Variants in GPC5 observed in about 807,000 individuals in gnomAD.
GPC5 encodes the protein glypican-5.
In GPC5, 47 loss-of-function variants were observed where a neutral mutation model predicts 53.9. The ratio of observed to expected loss-of-function variants is 0.87; its 90% confidence interval spans 0.69 to 1.11. The LOEUF (loss-of-function observed/expected upper bound fraction) is 1.11. Ranked by LOEUF, GPC5 falls within the 50% of genes most tolerant of loss-of-function variation. The pLI is 0.00. For missense variants in GPC5, 748 were observed against 713.1 expected, an observed-to-expected ratio of 1.05 and a Z score of -0.56; for synonymous variants, 286 against 263.3, an observed-to-expected ratio of 1.09 and a Z score of -0.84.
chr13:91,581,093 A>G (rs912484429), intron 2 of GPC5, among the ~76,000 whole-genome samples: 1 of 152,192 alleles, frequency 6.6e-6, no homozygotes, highest in Non-Finnish European at 1.5e-5. Context: ...AACTGCCTCC[A>G]TGATTCAATT....
At chr13:92,133,760 A>G (rs1285490236) in intron 6 of GPC5, among the ~76,000 whole-genome samples, 2 of 152,186 alleles carry the variant, frequency 1.3e-5, no homozygotes, top group East Asian at 1.9e-4. Flanking sequence ...TTAGAAATAC[A>G]TCAGTACATT....
chr13:91,950,273 T>TC (rs1555299367), intron 6 of GPC5, among the ~76,000 whole-genome samples: 2 of 151,080 alleles, frequency 1.3e-5, no homozygotes, highest in East Asian at 3.9e-4. Flanking sequence ...CAAGTTTTTT[T>TC]TTTTTTTTTT....
intron 7 of GPC5, among the ~76,000 whole-genome samples, chr13:92,348,483 G>A (rs1275867108): frequency 1.3e-5 from 2 of 152,034 alleles, no homozygotes; most frequent in South Asian, 2.1e-4. Context: ...ATAATAGTAA[G>A]AGACTTTAAT....
intron 7 of GPC5, among the ~76,000 whole-genome samples, chr13:92,324,395 T>C (rs760859291): frequency 3.3e-5 from 5 of 151,834 alleles, no homozygotes; most frequent in Non-Finnish European, 7.4e-5. Context: ...ACGTGCATGG[T>C]GAGGGATAAA....
intron 2 of GPC5, among the ~76,000 whole-genome samples, chr13:91,556,830 A>AG (rs1405421105): frequency 1.3e-5 from 2 of 151,870 alleles, no homozygotes; most frequent in Non-Finnish European, 2.9e-5. Context: ...AAAGGGTGTG[A>AG]GGGGGGTGAG....
At chr13:92,759,523 T>C (rs1408283701) in intron 7 of GPC5, among the ~76,000 whole-genome samples, 1 of 152,094 alleles carries the variant, frequency 6.6e-6, no homozygotes, top group Non-Finnish European at 1.5e-5. Context: ...CTAGTCATTG[T>C]TTGTCTATAC....
At chr13:92,302,032 T>A (rs1265427967) in intron 7 of GPC5, among the ~76,000 whole-genome samples, 1 of 152,218 alleles carries the variant, frequency 6.6e-6, no homozygotes, top group African/African-American at 2.4e-5. Flanking sequence ...TGTATTCATT[T>A]ATTTTAACTT....
chr13:92,046,103 G>A (rs1028604630), intron 6 of GPC5, among the ~76,000 whole-genome samples: 18 of 145,962 alleles, frequency 1.2e-4, no homozygotes, highest in African/African-American at 4.4e-4. Flanking sequence ...GGGCAACAGA[G>A]TGAGACTATA....
At chr13:92,487,600 T>C (rs966818089) in intron 7 of GPC5, among the ~76,000 whole-genome samples, 1 of 152,154 alleles carries the variant, frequency 6.6e-6, no homozygotes, top group Non-Finnish European at 1.5e-5. Flanking sequence ...ATGATTTTTA[T>C]CATTGAACAG....
intron 2 of GPC5, among the ~76,000 whole-genome samples, chr13:91,514,850 A>G (rs762786735): frequency 6.6e-6 from 1 of 152,126 alleles, no homozygotes; most frequent in South Asian, 2.1e-4. Flanking sequence ...CATACTTTCT[A>G]TATTCTTATT....
intron 2 of GPC5, among the ~76,000 whole-genome samples, chr13:91,619,353 C>T (rs948188414): frequency 7.9e-5 from 12 of 151,980 alleles, no homozygotes; most frequent in African/African-American, 2.2e-4. Flanking sequence ...AGCTCCTATA[C>T]GAGGGCAAAC....
intron 7 of GPC5, among the ~76,000 whole-genome samples, chr13:92,281,544 C>T (rs553493171): frequency 1.2e-4 from 19 of 152,252 alleles, no homozygotes; most frequent in Admixed American, 5.9e-4. Flanking sequence ...CCCTCTGAGA[C>T]GAAGCTTGCA....
chr13:92,406,763 T>C (rs1054030990), intron 7 of GPC5, among the ~76,000 whole-genome samples: 4 of 152,214 alleles, frequency 2.6e-5, no homozygotes, highest in African/African-American at 7.2e-5. Flanking sequence ...GCCATATAAA[T>C]TTCAGAGTAC....
intron 7 of GPC5, among the ~76,000 whole-genome samples, chr13:92,263,767 T>C (rs2042782158): frequency 6.6e-6 from 1 of 152,190 alleles, no homozygotes; most frequent in African/African-American, 2.4e-5. Context: ...GAAAATGTTT[T>C]CTTGTATTAT....
At chr13:92,608,906 A>G (rs1256366595) in intron 7 of GPC5, among the ~76,000 whole-genome samples, 3 of 152,122 alleles carry the variant, frequency 2.0e-5, no homozygotes, top group Non-Finnish European at 4.4e-5. Context: ...TATATAACCT[A>G]ACTTATGCCT....
chr13:92,413,548 A>T (rs1246895545), intron 7 of GPC5, among the ~76,000 whole-genome samples: 2 of 152,310 alleles, frequency 1.3e-5, no homozygotes, highest in South Asian at 2.1e-4. Context: ...CGTAAACCAA[A>T]TTTTAGAATG....
intron 7 of GPC5, among the ~76,000 whole-genome samples, chr13:92,647,714 AT>A (rs1885820042): frequency 6.6e-6 from 1 of 152,144 alleles, no homozygotes; most frequent in Non-Finnish European, 1.5e-5. Context: ...CTGAAGAGAC[AT>A]TTCTGCCATA....
chr13:92,786,187 G>A (rs566033433), intron 7 of GPC5, among the ~76,000 whole-genome samples: 5 of 152,154 alleles, frequency 3.3e-5, no homozygotes, highest in Non-Finnish European at 5.9e-5. Context: ...TAAGGAAACT[G>A]TAATCCAGTA....
chr13:91,590,776 C>T (rs949443412), intron 2 of GPC5, among the ~76,000 whole-genome samples: 1 of 152,110 alleles, frequency 6.6e-6, no homozygotes, highest in Non-Finnish European at 1.5e-5. Context: ...TTTTTCTTCT[C>T]CCTCCAAGTC....
Sources: allele counts gnomAD v4.1 joint callset (sites outside exome capture counted in the v4.1 genomes callset), GRCh38; gene constraint gnomAD v4.1.1; transcripts MANE v1.5; gene names NCBI Gene and HGNC (gene_info 2026-07-23, HGNC 2026-07-21).